Variants in NCEH1 observed in about 807,000 individuals in gnomAD.
NCEH1 encodes the protein neutral cholesterol ester hydrolase 1.
NCEH1 carries 9 observed loss-of-function variants against 25.4 expected under a neutral mutation model. That is an observed-to-expected ratio of 0.35 (90% CI 0.21 to 0.62). NCEH1 has a LOEUF of 0.62. Ranked by LOEUF, NCEH1 falls within the 20% of genes least tolerant of loss-of-function variation. The pLI, the probability that NCEH1 is intolerant of heterozygous loss-of-function variation, is 0.72. For synonymous variants in NCEH1, 200 were observed against 199.8 expected, an observed-to-expected ratio of 1.00 and a Z score of -0.01; for missense variants, 412 against 501.1, an observed-to-expected ratio of 0.82 and a Z score of 1.70.
chr3:172,677,696 A>C (rs1712094419), intron 1 of NCEH1, among the ~76,000 whole-genome samples: 1 of 152,230 alleles, frequency 6.6e-6, no homozygotes, highest in African/African-American at 2.4e-5. Flanking sequence ...TGGGAGGCCG[A>C]GGCGGGCGGA....
At chr3:172,661,580 A>C (rs1395087869) in intron 1 of NCEH1, among the ~76,000 whole-genome samples, 2 of 152,126 alleles carry the variant, frequency 1.3e-5, no homozygotes, top group African/African-American at 4.8e-5. Context: ...CCATTTTCAC[A>C]ATATTGATTC....
intron 1 of NCEH1, among the ~76,000 whole-genome samples, chr3:172,666,169 A>T (rs1217037687): frequency 6.6e-6 from 1 of 152,174 alleles, no homozygotes; most frequent in Non-Finnish European, 1.5e-5. Flanking sequence ...GCAAGCTTTG[A>T]TATGCAAATG....
At chr3:172,639,624 G>C (rs775154490) in intron 3 of NCEH1, among the ~76,000 whole-genome samples, 2 of 152,132 alleles carry the variant, frequency 1.3e-5, no homozygotes, top group Non-Finnish European at 2.9e-5. Context: ...AAATATCAAA[G>C]ATGTTATATC....
intron 3 of NCEH1, among the ~76,000 whole-genome samples, chr3:172,637,628 T>C (rs2108488997): frequency 6.6e-6 from 1 of 150,490 alleles, no homozygotes; most frequent in South Asian, 2.1e-4. Flanking sequence ...GTGGCTTAGG[T>C]CTGTAATCCC....
At chr3:172,672,358 C>G (rs962878337) in intron 1 of NCEH1, among the ~76,000 whole-genome samples, 1 of 152,204 alleles carries the variant, frequency 6.6e-6, no homozygotes, top group African/African-American at 2.4e-5. Flanking sequence ...AGCCACCGCA[C>G]CTGGCCAGGA....
intron 1 of NCEH1, among the ~76,000 whole-genome samples, chr3:172,666,237 C>T (rs1256021509): frequency 2.6e-5 from 4 of 152,190 alleles, no homozygotes; most frequent in East Asian, 1.9e-4. Context: ...CTTCCTGTCC[C>T]GGTGTGTGCC....
chr3:172,678,951 A>G (rs1712179431), intron 1 of NCEH1, among the ~76,000 whole-genome samples: 1 of 152,212 alleles, frequency 6.6e-6, no homozygotes, highest in Admixed American at 6.5e-5. Flanking sequence ...ACTTGCCAGA[A>G]GTTTTGCCAC....
intron 1 of NCEH1, among the ~76,000 whole-genome samples, chr3:172,697,454 T>G (rs920956616): frequency 1.5e-4 from 23 of 152,116 alleles, no homozygotes; most frequent in African/African-American, 5.3e-4. Flanking sequence ...CTCTCTTGGG[T>G]GTTTCATCTA....
chr3:172,660,367 G>A (rs1282975557), intron 1 of NCEH1, among the ~76,000 whole-genome samples: 1 of 152,100 alleles, frequency 6.6e-6, no homozygotes, highest in East Asian at 1.9e-4. Context: ...TCTTAATCCA[G>A]TCTATCATTG....
At chr3:172,669,535 A>G (rs1460104358) in intron 1 of NCEH1, among the ~76,000 whole-genome samples, 1 of 152,168 alleles carries the variant, frequency 6.6e-6, no homozygotes, top group Admixed American at 6.5e-5. Flanking sequence ...AAGATGAATA[A>G]TAGCCATTTT....
At chr3:172,691,514 T>C (rs771686078) in intron 1 of NCEH1, among the ~76,000 whole-genome samples, 39 of 152,216 alleles carry the variant, frequency 2.6e-4, no homozygotes, top group South Asian at 8.3e-4. Context: ...CAGGTACTTT[T>C]AGGAGTTGTG....
rs1381362611 is a variant in NCEH1 at position 172,632,319 on chromosome 3, G to C, written c.*1156C>G. On this transcript the variant is annotated 3_prime_UTR_variant, in exon 5 of 5. Coordinates refer to ENST00000475381, the MANE Select transcript of NCEH1 (RefSeq NM_020792.6). ...ACACGTGGTTATAACTGTAGGGAAGGTTTTAAAACCCTAAGGCAGTTTTTT... is the reference window on the plus strand; with the variant it reads ...ACACGTGGTTATAACTGTAGGGAAGCTTTTAAAACCCTAAGGCAGTTTTTT... The C allele has an allele frequency of 2.0e-5, 3 of 152,138 alleles. No homozygotes were observed. Among genetic ancestry groups the C allele is most frequent in the African/African-American group, 7.2e-5 (3 of 41,418 alleles). 9.4% of individuals were successfully genotyped at this position (152,138 alleles called of 1,614,324 possible). A position where few individuals can be genotyped will look rare whatever the true frequency, so the allele number is the denominator to read the frequency against.
intron 3 of NCEH1, among the ~76,000 whole-genome samples, chr3:172,638,276 CAAAAAAAAAA>C (rs57018096): frequency 4.4e-5 from 1 of 22,576 alleles, no homozygotes; most frequent in Non-Finnish European, 9.7e-5. Flanking sequence ...AGACTCTGTC[CAAAAAAAAAA>C]AAAAAAAAAA....
chr3:172,679,088 T>C (rs1712194145), intron 1 of NCEH1, among the ~76,000 whole-genome samples: 1 of 152,072 alleles, frequency 6.6e-6, no homozygotes, highest in African/African-American at 2.4e-5. Context: ...GGCTAGCAAC[T>C]TAGAACTTTT....
chr3:172,655,177 T>G (rs191028674), intron 1 of NCEH1, among the ~76,000 whole-genome samples: 1 of 152,160 alleles, frequency 6.6e-6, no homozygotes, highest in East Asian at 1.9e-4. Context: ...CACACAGAAT[T>G]GTGTTAAGGG....
chr3:172,706,504 T>C lies in NCEH1; in HGVS notation c.138+4343A>G, dbSNP rs75307346. On this transcript the variant is annotated intron_variant, in intron 1 of 4. Coordinates refer to ENST00000475381, the MANE Select transcript of NCEH1 (RefSeq NM_020792.6). ...TTTACTGTTCTTACATTTTTCTTTT[T>C]TTTTTTTTTTTTTTGAGACGAAGTC... 1.1e-3 allele frequency among the ~76,000 whole-genome samples: 135 copies of C among 120,674 alleles called. 1 individual carries two copies. The highest frequency in any genetic ancestry group is 4.7e-3 in the East Asian group (18 of 3,848). The allele number at this position is 120,674 out of a possible 152,430, so 79.2% of individuals were successfully genotyped here.
intron 1 of NCEH1, among the ~76,000 whole-genome samples, chr3:172,653,730 G>T (rs200948950): frequency 4.1e-5 from 4 of 97,956 alleles, no homozygotes; most frequent in African/African-American, 1.2e-4. Flanking sequence ...TGTTGTTGTT[G>T]TTCTGTTTTT....
Position 172,688,349 on chromosome 3 carries a change from A to G in NCEH1, c.138+22498T>C, listed in dbSNP as rs549220419. On this transcript the variant is annotated intron_variant, in intron 1 of 4. Transcript: ENST00000475381. Reference sequence around the variant, plus strand: ...CCACCTCAAAAAAAAAAAAAAAAAAAAAAGAAAATGGACATGGAGATTACG... The same window carrying G: ...CCACCTCAAAAAAAAAAAAAAAAAAGAAAGAAAATGGACATGGAGATTACG... Among the ~76,000 whole-genome samples, 1,230 of 151,262 alleles carry G rather than the reference A, an allele frequency of 8.1e-3. 8 individuals carry two copies. Among genetic ancestry groups the G allele is most frequent in the Middle Eastern group, 0.038 (11 of 290 alleles).
intron 3 of NCEH1, chr3:172,636,289 GATTTTGTATTAGTAATAGTACT>G (rs1716594922): frequency 2.5e-6 from 1 of 407,476 alleles, no homozygotes; most frequent in East Asian, 3.9e-5. Flanking sequence ...AAAATGTGAT[GATTTTGTATTAGTAATAGTACT>G]ATTTTTCTTT....
Sources: allele counts gnomAD v4.1 joint callset (sites outside exome capture counted in the v4.1 genomes callset), GRCh38; gene constraint gnomAD v4.1.1; transcripts MANE v1.5; gene names NCBI Gene and HGNC (gene_info 2026-07-23, HGNC 2026-07-21).